The following CDC42BPA variants were observed in gnomAD, a reference collection of about 807,000 sequenced individuals.
CDC42BPA encodes CDC42 binding protein kinase alpha, also known as serine/threonine-protein kinase MRCK alpha.
A neutral mutation model predicts 223.5 loss-of-function variants in CDC42BPA; 80 were observed. The observed-to-expected ratio is 0.36, with a 90% CI of 0.30 to 0.43. CDC42BPA has a LOEUF of 0.43. CDC42BPA is among the 20% of genes least tolerant of loss of function. The pLI, the probability that CDC42BPA is intolerant of heterozygous loss-of-function variation, is 1.00. For missense variants in CDC42BPA, 1,743 were observed against 2,099.9 expected (o/e 0.83, Z 3.32); for synonymous variants, 694 against 718.6 (o/e 0.97, Z 0.55).
intron 34 of CDC42BPA, among the ~76,000 whole-genome samples, chr1:227,012,630 T>G (rs1665441607): frequency 6.6e-6 from 1 of 152,168 alleles, no homozygotes; most frequent in Admixed American, 6.5e-5. Context: ...TAAAAATGTC[T>G]GGGACACATG....
chr1:227,102,762 G>A (rs182698027), intron 14 of CDC42BPA, among the ~76,000 whole-genome samples: 3 of 152,030 alleles, frequency 2.0e-5, no homozygotes, highest in Non-Finnish European at 2.9e-5. Flanking sequence ...TGCAGACACC[G>A]AAGATAATTT....
intron 2 of CDC42BPA, among the ~76,000 whole-genome samples, chr1:227,229,068 G>A (rs552244274): frequency 1.3e-5 from 2 of 152,028 alleles, no homozygotes; most frequent in South Asian, 2.1e-4. Flanking sequence ...CTGAGATTTC[G>A]TGTCATATTT....
intron 17 of CDC42BPA, among the ~76,000 whole-genome samples, chr1:227,076,670 T>G (rs939862171): frequency 6.6e-6 from 1 of 152,232 alleles, no homozygotes; most frequent in Non-Finnish European, 1.5e-5. Flanking sequence ...TTTATTTGGC[T>G]AAATCATTCA....
At chr1:227,081,068 GT>G (rs1243142380) in intron 16 of CDC42BPA, 51 bp from the exon 17 acceptor site, 11 of 1,596,024 alleles carry the variant, frequency 6.9e-6, no homozygotes, top group Non-Finnish European at 8.6e-6. Flanking sequence ...AGAATTCGAG[GT>G]GTTCAGACAG....
intron 1 of CDC42BPA, among the ~76,000 whole-genome samples, chr1:227,313,817 C>T (rs534765279): frequency 2.0e-5 from 3 of 151,770 alleles, no homozygotes; most frequent in African/African-American, 7.3e-5. Context: ...AAGCATAGTA[C>T]CTGCTGATAT....
intron 32 of CDC42BPA, among the ~76,000 whole-genome samples, chr1:227,018,054 A>ATTATTATTATTAT (rs763076419): frequency 6.7e-6 from 1 of 149,252 alleles, no homozygotes; most frequent in East Asian, 1.9e-4. Context: ...TATTATTATT[A>ATTATTATTATTAT]TTATTTATTT....
intron 5 of CDC42BPA, among the ~76,000 whole-genome samples, chr1:227,190,345 T>A (rs1395849275): frequency 1.3e-5 from 2 of 152,210 alleles, no homozygotes; most frequent in Non-Finnish European, 2.9e-5. Flanking sequence ...GGTTTCCTCA[T>A]CTATAAAATG....
chr1:227,100,062 C>G (rs1401558804), intron 15 of CDC42BPA, among the ~76,000 whole-genome samples: 2 of 152,102 alleles, frequency 1.3e-5, no homozygotes. Flanking sequence ...CCAATATAAG[C>G]TGAGAATGAC....
At chr1:227,017,488 A>G (rs1572269698) in intron 32 of CDC42BPA, among the ~76,000 whole-genome samples, 1 of 152,344 alleles carries the variant, frequency 6.6e-6, no homozygotes, top group Non-Finnish European at 1.5e-5. Flanking sequence ...ATTTACCATA[A>G]GTGGTAAATA....
At chr1:227,286,037 G>A (rs748866671) in intron 1 of CDC42BPA, among the ~76,000 whole-genome samples, 12 of 152,112 alleles carry the variant, frequency 7.9e-5, no homozygotes, top group African/African-American at 2.9e-4. Flanking sequence ...TGCCTTCAGG[G>A]CCTTTTTCCC....
chr1:227,144,381 T>C (rs1012871799), intron 8 of CDC42BPA, among the ~76,000 whole-genome samples: 4 of 151,778 alleles, frequency 2.6e-5, no homozygotes, highest in South Asian at 2.1e-4. Context: ...TCAAGACCAT[T>C]CTGGCTAACA....
chr1:227,109,169 G>A (rs1686460538), intron 14 of CDC42BPA, among the ~76,000 whole-genome samples: 1 of 152,088 alleles, frequency 6.6e-6, no homozygotes. Flanking sequence ...TGAACATGAA[G>A]GCCTAGGACA....
intron 5 of CDC42BPA, among the ~76,000 whole-genome samples, chr1:227,191,556 T>C (rs992013127): frequency 1.3e-5 from 2 of 152,156 alleles, no homozygotes; most frequent in Non-Finnish European, 2.9e-5. Flanking sequence ...AAATACCTCA[T>C]ATTTACTTTC....
At chr1:227,060,028 T>G (rs867672802) in intron 21 of CDC42BPA, among the ~76,000 whole-genome samples, 7,535 of 88,614 alleles carry the variant, frequency 0.085, 711 homozygotes, top group African/African-American at 0.24. Context: ...AAGTTTTTTT[T>G]TGTTTTTTTT....
chr1:227,099,779 T>G (rs918519037), intron 15 of CDC42BPA, among the ~76,000 whole-genome samples: 7 of 152,172 alleles, frequency 4.6e-5, no homozygotes, highest in Admixed American at 6.6e-5. Context: ...TCAATCACCT[T>G]CTCAGTATAG....
rs554125649 is a variant in CDC42BPA, at chr1:227,240,657, T to G, written c.270+13407A>C. On this transcript the variant is annotated intron_variant, in intron 2 of 36. Transcript: ENST00000366766. Reference sequence around the variant, plus strand: ...ACTTAATAAAGGGAAAACAGCCTTTTCAACAAATGGTGCTGAAACAACTGG... The same window carrying G: ...ACTTAATAAAGGGAAAACAGCCTTTGCAACAAATGGTGCTGAAACAACTGG... Among the ~76,000 whole-genome samples the G allele has an allele frequency of 1.8e-3, 265 of 151,264 alleles. 1 individual carries two copies. Among genetic ancestry groups the G allele is most frequent in the Admixed American group, 3.2e-3 (48 of 15,206 alleles).
chr1:227,015,878 T>C (rs766071477), intron 34 of CDC42BPA, among the ~76,000 whole-genome samples: 24 of 152,234 alleles, frequency 1.6e-4, no homozygotes, highest in Non-Finnish European at 2.5e-4. Context: ...CCTGATTTGT[T>C]TGGCTTTTGA....
chr1:227,166,443 G>C (rs995413125), intron 5 of CDC42BPA, among the ~76,000 whole-genome samples: 1 of 152,172 alleles, frequency 6.6e-6, no homozygotes, highest in Admixed American at 6.5e-5. Context: ...TAGCTGGCCT[G>C]AATATTTCAC....
At chr1:227,173,570 G>A (rs1315471687) in intron 5 of CDC42BPA, among the ~76,000 whole-genome samples, 2 of 150,312 alleles carry the variant, frequency 1.3e-5, no homozygotes, top group African/African-American at 2.4e-5. Flanking sequence ...GTAAGTAATT[G>A]AGGCCACCCT....
Sources: gnomAD v4.1 joint callset for allele counts (sites outside exome capture counted in the v4.1 genomes callset) on GRCh38, gnomAD v4.1.1 for gene constraint, MANE v1.5 for transcripts, NCBI Gene and HGNC (gene_info 2026-07-23, HGNC 2026-07-21) for gene names.